The following CCBE1 variants were observed in gnomAD, a reference collection of about 807,000 sequenced individuals.
CCBE1 encodes the protein collagen and calcium binding EGF domains 1, also known as collagen and calcium-binding EGF domain-containing protein 1.
In CCBE1, 37 loss-of-function variants were observed where a neutral mutation model predicts 50.0. The observed-to-expected ratio is 0.74, with a 90% CI of 0.57 to 0.97. The LOEUF (loss-of-function observed/expected upper bound fraction) is 0.97. CCBE1 is among the 50% of genes least tolerant of loss of function. CCBE1 has a pLI of 0.00. For missense variants in CCBE1, 538 were observed against 523.8 expected (o/e 1.03, Z -0.26); for synonymous variants, 234 against 203.7 (o/e 1.15, Z -1.27).
intron 2 of CCBE1, among the ~76,000 whole-genome samples, chr18:59,581,342 G>A (rs941932873): frequency 6.6e-5 from 10 of 151,796 alleles, no homozygotes; most frequent in African/African-American, 2.4e-4. Flanking sequence ...TCAGGAGGCT[G>A]AGGCAGGAGA....
chr18:59,453,772 A>G (rs1002463598), intron 6 of CCBE1, among the ~76,000 whole-genome samples: 1 of 152,236 alleles, frequency 6.6e-6, no homozygotes, highest in African/African-American at 2.4e-5. Flanking sequence ...AAACAAGAAG[A>G]TGTTTTATCA....
At chr18:59,566,049 C>T (rs1290862720) in intron 2 of CCBE1, among the ~76,000 whole-genome samples, 2 of 152,082 alleles carry the variant, frequency 1.3e-5, no homozygotes, top group African/African-American at 4.8e-5. Context: ...CATAAGAGAA[C>T]AGTGAATAAG....
chr18:59,642,408 A>C (rs1300149456), intron 2 of CCBE1, among the ~76,000 whole-genome samples: 2 of 152,140 alleles, frequency 1.3e-5, no homozygotes, highest in African/African-American at 2.4e-5. Flanking sequence ...ACCACTGGAG[A>C]AATAGTTCTC....
chr18:59,631,587 C>G (rs1390244929), intron 2 of CCBE1, among the ~76,000 whole-genome samples: 2 of 152,202 alleles, frequency 1.3e-5, no homozygotes, highest in Non-Finnish European at 2.9e-5. Flanking sequence ...AGATCAGCTA[C>G]CTGCAAATCA....
rs189936982 is a variant in CCBE1, at chr18:59,493,336, G to T, written c.213-13098C>A. Among the ~76,000 whole-genome samples, 14 of 152,268 alleles carry T rather than the reference G, an allele frequency of 9.2e-5. 1 individual carries two copies. The highest frequency in any genetic ancestry group is 2.9e-4 in the African/African-American group (12 of 41,552). ...TGGAAGGAGAAATTCATGTAACACC[G>T]AAAGTAGGATTTCTACTTTAAATCA... On this transcript the variant is annotated intron_variant, in intron 2 of 10. Coordinates refer to ENST00000439986, the MANE Select transcript of CCBE1 (RefSeq NM_133459.4).
chr18:59,560,084 C>T (rs2052711937), intron 2 of CCBE1, among the ~76,000 whole-genome samples: 2 of 152,332 alleles, frequency 1.3e-5, no homozygotes, highest in South Asian at 2.1e-4. Flanking sequence ...CAGCAGTGCC[C>T]CTCTTGCCTG....
intron 2 of CCBE1, among the ~76,000 whole-genome samples, chr18:59,491,839 A>C (rs75491232): frequency 3.1e-4 from 5 of 16,318 alleles, no homozygotes; most frequent in East Asian, 4.3e-3. Context: ...AACAAACAAA[A>C]AAAAACGTTT....
intron 2 of CCBE1, among the ~76,000 whole-genome samples, chr18:59,614,752 T>C (rs2053616397): frequency 6.6e-6 from 1 of 152,246 alleles, no homozygotes; most frequent in Non-Finnish European, 1.5e-5. Flanking sequence ...GTCGTCACAG[T>C]CCTAAAGCTG....
chr18:59,513,844 T>C (rs541760408), intron 2 of CCBE1, among the ~76,000 whole-genome samples: 1 of 152,290 alleles, frequency 6.6e-6, no homozygotes, highest in South Asian at 2.1e-4. Context: ...TCCAAGCCTG[T>C]GCTCCTTCTG....
chr18:59,624,563 C>A (rs1039023663), intron 2 of CCBE1, among the ~76,000 whole-genome samples: 2 of 152,158 alleles, frequency 1.3e-5, no homozygotes, highest in Non-Finnish European at 2.9e-5. Context: ...AGGCTGAAGG[C>A]CCAATGGAGT....
At chr18:59,443,311 C>T (rs146305515) in intron 7 of CCBE1, among the ~76,000 whole-genome samples, 33 of 152,280 alleles carry the variant, frequency 2.2e-4, no homozygotes, top group African/African-American at 7.9e-4. Flanking sequence ...GCTCAAGGGC[C>T]ACAGCTGTGT....
intron 2 of CCBE1, among the ~76,000 whole-genome samples, chr18:59,649,489 C>T (rs1045725484): frequency 4.6e-5 from 7 of 151,750 alleles, no homozygotes; most frequent in Admixed American, 2.0e-4. Flanking sequence ...TAATAAAGCA[C>T]CATAATAACA....
Position 59,601,523 on chromosome 18 carries a change from T to C in CCBE1, c.212+95106A>G, listed in dbSNP as rs144087370. Among the ~76,000 whole-genome samples the C allele has an allele frequency of 2.2e-3, 335 of 152,264 alleles. 6 individuals carry two copies. The East Asian group carries it at 0.032, about 14-fold the overall frequency. On this transcript the variant is annotated intron_variant, in intron 2 of 10. Transcript: ENST00000439986. ...GAACTGTGAGTCCATTAAACCTCTT[T>C]CCTTTATAAATTACCCACTCTCATG...
chr18:59,549,280 A>T (rs1001966407), intron 2 of CCBE1, among the ~76,000 whole-genome samples: 4 of 152,136 alleles, frequency 2.6e-5, no homozygotes, highest in Non-Finnish European at 5.9e-5. Flanking sequence ...AAAATAATGC[A>T]TCAGGATGAA....
intron 2 of CCBE1, among the ~76,000 whole-genome samples, chr18:59,571,781 A>T (rs2144487560): frequency 6.6e-6 from 1 of 152,346 alleles, no homozygotes; most frequent in Non-Finnish European, 1.5e-5. Context: ...CGTACAGAAG[A>T]GTCATTCTCT....
intron 10 of CCBE1, among the ~76,000 whole-genome samples, chr18:59,437,189 G>A (rs1159695506): frequency 1.3e-5 from 2 of 152,056 alleles, no homozygotes; most frequent in Non-Finnish European, 2.9e-5. Context: ...TTCATATAGC[G>A]CTGTGTGGGG....
chr18:59,556,757 T>C (rs570459104), intron 2 of CCBE1, among the ~76,000 whole-genome samples: 41 of 152,334 alleles, frequency 2.7e-4, no homozygotes, highest in African/African-American at 9.9e-4. Flanking sequence ...TTGTTCCCAC[T>C]GAAGTGGAAA....
At chr18:59,464,855 T>C (rs148867481) in intron 5 of CCBE1, 1,988 of 152,400 alleles carry the variant, frequency 0.013, 32 homozygotes, top group Non-Finnish European at 0.02. Flanking sequence ...AGCTCTGGTT[T>C]TTTCATCTCT....
At chr18:59,453,328 A>G (rs994390637) in intron 6 of CCBE1, among the ~76,000 whole-genome samples, 3 of 152,214 alleles carry the variant, frequency 2.0e-5, no homozygotes, top group African/African-American at 7.2e-5. Context: ...GGGTTTGTTC[A>G]ATACAACTAA....
Sources: allele counts gnomAD v4.1 joint callset (sites outside exome capture counted in the v4.1 genomes callset), GRCh38; gene constraint gnomAD v4.1.1; transcripts MANE v1.5; gene names NCBI Gene and HGNC (gene_info 2026-07-23, HGNC 2026-07-21).